Variants in PCDHGB2 observed in about 807,000 individuals in gnomAD.
PCDHGB2 encodes protocadherin gamma subfamily B, 2.
A neutral mutation model predicts 59.3 loss-of-function variants in PCDHGB2; 55 were observed. The ratio of observed to expected loss-of-function variants is 0.93; its 90% CI spans 0.75 to 1.16. The LOEUF (loss-of-function observed/expected upper bound fraction) is 1.16, where lower values mean the gene tolerates loss of function less well. PCDHGB2 is among the 50% of genes most tolerant of loss of function. PCDHGB2 has a pLI of 0.00. For missense variants in PCDHGB2, 1,228 were observed against 1,198.5 expected (o/e 1.02, Z -0.36); for synonymous variants, 516 against 512.0 (o/e 1.01, Z -0.11).
intron 1 of PCDHGB2, chr5:141,383,078 C>G (rs749152940): frequency 2.5e-6 from 4 of 1,613,840 alleles, no homozygotes; most frequent in South Asian, 2.2e-5. Flanking sequence ...CGGGAGCTGG[C>G]GGAGCGCGGA....
At chr5:141,467,060 T>C (rs1304506319) in intron 1 of PCDHGB2, among the ~76,000 whole-genome samples, 1 of 151,520 alleles carries the variant, frequency 6.6e-6, no homozygotes, top group Non-Finnish European at 1.5e-5. Context: ...GTTTTCTTTT[T>C]TTTTTTTTTT....
At chr5:141,382,945 C>T (rs1357779050) in intron 1 of PCDHGB2, 1 of 1,597,008 alleles carries the variant, frequency 6.3e-7, no homozygotes, top group Admixed American at 1.7e-5. Context: ...ATTCTTCCTG[C>T]TCTCCATCCT....
chr5:141,399,775 G>A, intron 1 of PCDHGB2: 2 of 1,613,282 alleles, frequency 1.2e-6, no homozygotes, highest in Non-Finnish European at 1.7e-6. Flanking sequence ...GTTGGTGGGC[G>A]ACCGAAACGA....
intron 1 of PCDHGB2, chr5:141,421,731 C>G (rs73792198): frequency 6.2e-7 from 1 of 1,613,742 alleles, no homozygotes; most frequent in Non-Finnish European, 8.5e-7. Flanking sequence ...TGAACTCCCT[C>G]CAGAGCTACC....
intron 1 of PCDHGB2, chr5:141,366,502 G>A (rs1764600117): frequency 1.9e-6 from 3 of 1,614,150 alleles, no homozygotes; most frequent in Non-Finnish European, 1.7e-6. Context: ...AGTCACGCCT[G>A]CTTCAGGCTG....
chr5:141,490,419 G>T lies in PCDHGB2; in HGVS notation c.2422-4388G>T, dbSNP rs1424302713. ...TGAGCCTTGATATCTCTCCGGACCT[G>T]CCATTTCAGATTAAGCCTTCTGAGA... is the stretch of plus-strand genomic sequence containing the variant. On this transcript the variant is annotated intron_variant, in intron 1 of 3. Transcript: ENST00000522605. The surrounding 1 kb of genome is among the most constrained non-coding windows in gnomAD (Gnocchi z 5.4). The T allele has an allele frequency of 6.2e-7, 1 of 1,614,170 alleles. No homozygotes were observed. The highest frequency in any genetic ancestry group is 8.5e-7 in the Non-Finnish European group (1 of 1,180,020).
At chr5:141,385,582 G>T (rs1192405517) in intron 1 of PCDHGB2, 42 of 1,273,732 alleles carry the variant, frequency 3.3e-5, no homozygotes, top group Non-Finnish European at 4.1e-5. Context: ...TCCAATCTAT[G>T]TTCCAACCTA....
chr5:141,450,490 T>C (rs1480357834), intron 1 of PCDHGB2, among the ~76,000 whole-genome samples: 1 of 152,164 alleles, frequency 6.6e-6, no homozygotes, highest in Non-Finnish European at 1.5e-5. Context: ...TTTGTTTGTC[T>C]GTTTGTTTGT....
chr5:141,375,462 A>G, intron 1 of PCDHGB2: 2 of 1,613,908 alleles, frequency 1.2e-6, no homozygotes, highest in Non-Finnish European at 1.7e-6. Flanking sequence ...TACTCAGTCT[A>G]TGTCCTTGAA....
At chr5:141,448,730 G>A (rs1419700194) in intron 1 of PCDHGB2, among the ~76,000 whole-genome samples, 1 of 152,072 alleles carries the variant, frequency 6.6e-6, no homozygotes, top group African/African-American at 2.4e-5. Context: ...CACGAGGTCA[G>A]GAGATCGAGA....
chr5:141,388,628 G>A (rs752578230), intron 1 of PCDHGB2: 2 of 1,613,898 alleles, frequency 1.2e-6, no homozygotes. Flanking sequence ...ACGTATACAG[G>A]GTGAGCCTTT....
At position 141,489,219 on chromosome 5, in the gene PCDHGB2, T is replaced by C; in HGVS notation, c.2422-5588T>C. 1 of 1,502,828 alleles carries C rather than the reference T, an allele frequency of 6.7e-7. No homozygotes were observed. Among genetic ancestry groups the C allele is most frequent in the Non-Finnish European group, 8.9e-7 (1 of 1,117,962 alleles). 93.1% of individuals were successfully genotyped at this position (1,502,828 alleles called of 1,614,324 possible). On this transcript the variant is annotated intron_variant, in intron 1 of 3. Transcript: ENST00000522605. This position sits in a 1 kb window ranked among gnomAD's most constrained non-coding sequence, Gnocchi z 4.5. ...GAGACAGGACAGCACAGACTTACTC[T>C]CCACAAAGGGACTTCTGGGTCATGG...
intron 1 of PCDHGB2, chr5:141,422,964 G>A: frequency 1.2e-6 from 2 of 1,614,190 alleles, no homozygotes; most frequent in Non-Finnish European, 1.7e-6. Flanking sequence ...TGGAGCTGGC[G>A]CCCCGCTCTG....
chr5:141,395,123 TC>T, intron 1 of PCDHGB2: 1 of 1,614,148 alleles, frequency 6.2e-7, no homozygotes, highest in Non-Finnish European at 8.5e-7. Flanking sequence ...ACCTGATCTT[TC>T]CCCAGCCCAA....
At position 141,454,796 on chromosome 5, in the gene PCDHGB2, A is replaced by ATTTTTTTTTTTTTTTTTTTT. The variant is rs61612330; in HGVS notation, c.2422-40001_2422-39982dup. Among the ~76,000 whole-genome samples, 20 of 77,456 alleles carry ATTTTTTTTTTTTTTTTTTTT rather than the reference A, an allele frequency of 2.6e-4. 2 individuals carry two copies. Among genetic ancestry groups the ATTTTTTTTTTTTTTTTTTTT allele is most frequent in the South Asian group, 5.1e-4 (1 of 1,960 alleles). The allele number at this position is 77,456 out of a possible 152,430, so 50.8% of individuals were successfully genotyped here. On this transcript the variant is annotated intron_variant, in intron 1 of 3. Transcript: ENST00000522605. Reference sequence around the variant, plus strand: ...AAGGAAATAATCCTCCATGGTTCTAATTTTTTTTTTTTTTTTTTTTTTTTT... The same window carrying ATTTTTTTTTTTTTTTTTTTT: ...AAGGAAATAATCCTCCATGGTTCTAATTTTTTTTTTTTTTTTTTTTTTTTTTTTTTTTTTTTTTTTTTTTT...
rs778271895 is a variant in PCDHGB2 at position 141,404,140 on chromosome 5, T to C, written c.2421+41584T>C. ...AGAATCTATCTTTTACATTAGAAAA[T>C]TCAGAAGAAGATTATTACAGATTGT... On this transcript the variant is annotated intron_variant, in intron 1 of 3. Coordinates refer to ENST00000522605, the MANE Select transcript of PCDHGB2 (RefSeq NM_018923.3). The C allele has an allele frequency of 8.1e-6, 13 of 1,612,934 alleles. No homozygotes were observed. The South Asian group carries it at 1.3e-4, about 16-fold the overall frequency.
chr5:141,489,380 A>T lies in PCDHGB2; in HGVS notation c.2422-5427A>T, dbSNP rs753226956. 1 of 1,613,874 alleles carries T rather than the reference A, an allele frequency of 6.2e-7. No homozygotes were observed. The highest frequency in any genetic ancestry group is 2.2e-5 in the East Asian group (1 of 44,872). On this transcript the variant is annotated intron_variant, in intron 1 of 3. Transcript: ENST00000522605. The surrounding 1 kb of genome is among the most constrained non-coding windows in gnomAD (Gnocchi z 4.5). ...TCTGAGCCGGGGACGCTGGTGGGGA[A>T]TGTTGCTCAGGATCTGGGCTTAAAG... is the stretch of plus-strand genomic sequence containing the variant.
At chr5:141,385,961 C>T (rs1446108095) in intron 1 of PCDHGB2, 2 of 152,166 alleles carry the variant, frequency 1.3e-5, no homozygotes, top group African/African-American at 2.4e-5. Context: ...CACTAAAGGC[C>T]ATCGGACAAA....
In PCDHGB2 at chr5:141,431,940, T is replaced by G; in HGVS notation, c.2422-62867T>G. ...ATCCAAGGAAATCTGCCCTTTAAAT[T>G]AGAAAAATCTTACGGAAATTACTAT... On this transcript the variant is annotated intron_variant, in intron 1 of 3. Coordinates refer to ENST00000522605, the MANE Select transcript of PCDHGB2 (RefSeq NM_018923.3). The surrounding 1 kb of genome is among the most constrained non-coding windows in gnomAD (Gnocchi z 4.8). 2 of 1,614,132 alleles carry G rather than the reference T, an allele frequency of 1.2e-6. No homozygotes were observed. Among genetic ancestry groups the G allele is most frequent in the Non-Finnish European group, 1.7e-6 (2 of 1,179,998 alleles).
Sources: gnomAD v4.1 joint callset for allele counts (sites outside exome capture counted in the v4.1 genomes callset) on GRCh38, gnomAD v4.1.1 for gene constraint, Gnocchi (gnomAD v3.1) non-coding constraint, MANE v1.5 for transcripts, NCBI Gene and HGNC (gene_info 2026-07-23, HGNC 2026-07-21) for gene names.